DIS3L: variants seen among roughly 807,000 people sequenced by gnomAD.
DIS3L encodes DIS3-like exonuclease 1.
DIS3L carries 100 observed loss-of-function variants against 120.3 expected under a neutral mutation model. The ratio of observed to expected loss-of-function variants is 0.83; its 90% CI spans 0.71 to 0.98. The LOEUF (loss-of-function observed/expected upper bound fraction) is 0.98, where lower values mean the gene tolerates loss of function less well. DIS3L is among the 50% of genes least tolerant of loss of function. The pLI is 0.00. For missense variants in DIS3L, 1,196 were observed against 1,314.2 expected (o/e 0.91, Z 1.39); for synonymous variants, 426 against 470.6 (o/e 0.91, Z 1.23).
intron 11 of DIS3L, among the ~76,000 whole-genome samples, chr15:66,325,108 A>G (rs974373972): frequency 2.6e-5 from 4 of 152,196 alleles, no homozygotes; most frequent in African/African-American, 9.6e-5. Flanking sequence ...AAAATAGAGG[A>G]CATGGCCGGG....
At chr15:66,307,326 T>C (rs2092712094) in intron 3 of DIS3L, among the ~76,000 whole-genome samples, 1 of 152,004 alleles carries the variant, frequency 6.6e-6, no homozygotes, top group Non-Finnish European at 1.5e-5. Flanking sequence ...ACAGGGTTTT[T>C]TGCTCTGTCA....
chr15:66,309,390 A>G (rs1254269126), intron 4 of DIS3L, among the ~76,000 whole-genome samples: 2 of 152,044 alleles, frequency 1.3e-5, no homozygotes, highest in African/African-American at 2.4e-5. Flanking sequence ...ACTAACATTT[A>G]TAACTATAAC....
rs8037491 is a variant in DIS3L, at chr15:66,296,965, A to T, written c.293+1824A>T. Among the ~76,000 whole-genome samples the T allele has an allele frequency of 2.9e-3, 446 of 152,338 alleles. 2 individuals carry two copies. The highest frequency in any genetic ancestry group is 0.01 in the African/African-American group (432 of 41,578). On this transcript the variant is annotated intron_variant, in intron 2 of 16. Transcript: ENST00000319212. ...ATGCAAAGTGCAGAAGTAAACGTGG[A>T]GTGGAGCAATTAGGCCAAAAAATCC...
intron 2 of DIS3L, among the ~76,000 whole-genome samples, chr15:66,304,663 G>A (rs1030100588): frequency 1.3e-5 from 2 of 152,080 alleles, no homozygotes; most frequent in African/African-American, 4.8e-5. Context: ...CACTCTGGGA[G>A]GCCGAGGCGG....
chr15:66,312,702 C>T (rs140244742), intron 5 of DIS3L, among the ~76,000 whole-genome samples: 1 of 152,274 alleles, frequency 6.6e-6, no homozygotes, highest in African/African-American at 2.4e-5. Flanking sequence ...TTTATATGCA[C>T]TCATTTATGT....
chr15:66,330,105 A>G (rs181169648), intron 14 of DIS3L: 16,712 of 957,086 alleles, frequency 0.017, 176 homozygotes, highest in South Asian at 0.043. Context: ...GATCGAGACC[A>G]TCCGGGCTAA....
intron 2 of DIS3L, among the ~76,000 whole-genome samples, chr15:66,305,221 C>T (rs1413989793): frequency 3.3e-5 from 5 of 151,710 alleles, no homozygotes; most frequent in African/African-American, 7.3e-5. Flanking sequence ...AGGATGGTCT[C>T]GATCTCCTGA....
At position 66,306,752 on chromosome 15, in the gene DIS3L, T is replaced by C. The variant is rs2092706271; in HGVS notation, c.294-72T>C. On this transcript the variant is annotated intron_variant, in intron 2 of 16. Transcript: ENST00000319212. ...TGCTCTAAAATACCCCATCCTTTTTTGATCCTTAGCAAGAGATAGCAGTGG... is the reference window on the plus strand; with the variant it reads ...TGCTCTAAAATACCCCATCCTTTTTCGATCCTTAGCAAGAGATAGCAGTGG... 3 of 1,595,618 alleles carry C rather than the reference T, an allele frequency of 1.9e-6. No homozygotes were observed. The South Asian group carries it at 3.3e-5, about 18-fold the overall frequency.
chr15:66,319,418 C>T (rs1168977570), intron 8 of DIS3L, among the ~76,000 whole-genome samples: 1 of 152,188 alleles, frequency 6.6e-6, no homozygotes, highest in African/African-American at 2.4e-5. Context: ...TTTGCCAACA[C>T]TAACAAGCTT....
chr15:66,308,594 CG>C lies in DIS3L; in HGVS notation c.423-114del, dbSNP rs2092723783. On this transcript the variant is annotated intron_variant, in intron 3 of 16. Coordinates refer to ENST00000319212, the MANE Select transcript of DIS3L (RefSeq NM_001143688.3). The stretch of plus-strand genomic sequence containing the variant: ...GGATACTCCAGAAGTATTTGTTGAA[CG>C]AATGAATGGTTATCTATATAGTCCA... 3.0e-6 allele frequency: 4 copies of C among 1,320,458 alleles called. No homozygotes were observed. In the South Asian group the frequency reaches 5.9e-5, roughly 20 times the overall value. The allele number at this position is 1,320,458 out of a possible 1,614,324, so 81.8% of individuals were successfully genotyped here. A position where few individuals can be genotyped will look rare whatever the true frequency, so the allele number is the denominator to read the frequency against.
upstream of DIS3L, chr15:66,293,450 C>G: frequency 1.7e-6 from 2 of 1,211,984 alleles, no homozygotes; most frequent in Non-Finnish European, 2.0e-6. Flanking sequence ...GGGCCCCAGC[C>G]TGGAGCGTGT....
Position 66,315,131 on chromosome 15 carries a change from T to A in DIS3L, c.910T>A (p.Trp304Arg), listed in dbSNP as rs771239145. 12 of 1,613,734 alleles carry A rather than the reference T, an allele frequency of 7.4e-6. No homozygotes were observed. Among genetic ancestry groups the A allele is most frequent in the African/African-American group, 1.3e-5 (1 of 74,772 alleles). The change falls in exon 7 of 17, where the codon TGG becomes AGG. Residue 304 changes from tryptophan (W) to arginine (R), a missense_variant. Trp to Arg is a moderately radical substitution (Grantham distance 101). Coordinates refer to ENST00000319212, the MANE Select transcript of DIS3L (RefSeq NM_001143688.3). ...VVVELLPKNEWKGRTVALCEN... is the reference protein window; with the variant it reads ...VVVELLPKNERKGRTVALCEN... ...TGTGGAGCTGCTTCCTAAAAATGAA[T>A]GGAAAGGAAGAACCGTAGCCCTGTG...
chr15:66,310,815 AAGT>A lies in DIS3L; in HGVS notation c.559-908_559-906del, dbSNP rs200416889. Reference sequence around the variant, plus strand: ...TGCTAGACTCTACCCCTCAGACTTAAAGTTGAGTTAAAATACATAAAAAAGACA... The same window carrying A: ...TGCTAGACTCTACCCCTCAGACTTAATGAGTTAAAATACATAAAAAAGACA... On this transcript the variant is annotated intron_variant, in intron 4 of 16. Coordinates refer to ENST00000319212, the MANE Select transcript of DIS3L (RefSeq NM_001143688.3). 1.1e-3 allele frequency among the ~76,000 whole-genome samples: 172 copies of A among 152,280 alleles called. 1 individual carries two copies. In the East Asian group the frequency reaches 0.027, roughly 24 times the overall value.
At chr15:66,314,964 A>G (rs2092801661) in intron 6 of DIS3L, 72 bp from the exon 7 acceptor site, 3 of 1,496,306 alleles carry the variant, frequency 2.0e-6, no homozygotes, top group African/African-American at 1.4e-5. Flanking sequence ...CGAGTATATC[A>G]TGCGCGGAAT....
Position 66,324,197 on chromosome 15 carries a change from AAG to A in DIS3L, c.1667+614_1667+615del, listed in dbSNP as rs1353866802. 1.1e-4 allele frequency among the ~76,000 whole-genome samples: 16 copies of A among 152,204 alleles called. No homozygotes were observed. In the East Asian group the frequency reaches 3.1e-3, roughly 29 times the overall value. On this transcript the variant is annotated intron_variant, in intron 11 of 16. Coordinates refer to ENST00000319212, the MANE Select transcript of DIS3L (RefSeq NM_001143688.3). ...ACTGTTTAGCACCTTCCTTTTAAAAAAGAACTTAATGGTATCTTGGAGATCAT... is the reference window on the plus strand; with the variant it reads ...ACTGTTTAGCACCTTCCTTTTAAAAAAACTTAATGGTATCTTGGAGATCAT...
At chr15:66,297,752 G>A (rs2092603555) in intron 2 of DIS3L, among the ~76,000 whole-genome samples, 1 of 152,174 alleles carries the variant, frequency 6.6e-6, no homozygotes, top group East Asian at 1.9e-4. Context: ...AGTTTTGTCA[G>A]TTAATAATCC....
intron 2 of DIS3L, among the ~76,000 whole-genome samples, chr15:66,303,214 C>T (rs2092666464): frequency 6.6e-6 from 1 of 152,220 alleles, no homozygotes; most frequent in Non-Finnish European, 1.5e-5. Context: ...TGATAGATTG[C>T]TTCCACCTTT....
In DIS3L at chr15:66,320,598, T is replaced by A. The variant is rs371410266; in HGVS notation, c.1192T>A (p.Ser398Thr). 1.2e-6 allele frequency: 2 copies of A among 1,613,876 alleles called. No individual in the cohort carries two copies. Among genetic ancestry groups the A allele is most frequent in the Non-Finnish European group, 1.7e-6 (2 of 1,179,934 alleles). Reference sequence around the variant, plus strand: ...CTTCAGGGTGGTCGTGCGCATCGATTCCTGGGAGTCAACATCTGTGTATCC... The same window carrying A: ...CTTCAGGGTGGTCGTGCGCATCGATACCTGGGAGTCAACATCTGTGTATCC... ...QDFRVVVRID[S>T]WESTSVYPNG... is the part of the protein sequence containing the mutation. The change falls in exon 9 of 17, where the codon TCC becomes ACC. Residue 398 changes from serine to threonine, a missense_variant. Transcript: ENST00000319212.
chr15:66,308,802 G>A lies in DIS3L; in HGVS notation c.516G>A (p.Gln172=). 1 of 1,613,570 alleles carries A rather than the reference G, an allele frequency of 6.2e-7. No individual in the cohort carries two copies. Among genetic ancestry groups the A allele is most frequent in the Non-Finnish European group, 8.5e-7 (1 of 1,179,698 alleles). The change falls in exon 4 of 17, where the codon CAG becomes CAA. Residue 172 remains glutamine, a synonymous_variant. Coordinates refer to ENST00000319212, the MANE Select transcript of DIS3L (RefSeq NM_001143688.3). ...MVTEDEEAIQ[Q]YGSETEGVFV... ...CAGAAGATGAAGAGGCAATTCAGCA[G>A]TATGGAAGTGAAACAGAAGGAGTAT...
Sources: gnomAD v4.1 joint callset for allele counts (sites outside exome capture counted in the v4.1 genomes callset) on GRCh38, gnomAD v4.1.1 for gene constraint, MANE v1.5 for transcripts, NCBI Gene and HGNC (gene_info 2026-07-23, HGNC 2026-07-21) for gene names.